Variants in FRMPD4 observed in about 807,000 individuals in gnomAD.
The protein encoded by FRMPD4 is FERM and PDZ domain containing 4, also known as FERM and PDZ domain-containing protein 4.
In FRMPD4, 22 loss-of-function variants were observed where a neutral mutation model predicts 94.1. That is an observed-to-expected ratio of 0.23 (90% CI 0.17 to 0.33). The LOEUF is 0.33. Ranked by LOEUF, FRMPD4 falls within the 10% of genes least tolerant of loss-of-function variation. FRMPD4 has a pLI of 1.00. For missense variants in FRMPD4, 1,111 were observed against 1,339.9 expected, an observed-to-expected ratio of 0.83 and a Z score of 2.67; for synonymous variants, 631 against 548.6, an observed-to-expected ratio of 1.15 and a Z score of -2.10.
intron 3 of FRMPD4, among the ~76,000 whole-genome samples, chrX:12,025,125 C>CA (rs909551283): frequency 9.1e-6 from 1 of 110,430 alleles, no homozygotes; most frequent in Non-Finnish European, 1.9e-5. Context: ...TCTTGGTTTT[C>CA]ATTACCTTCT....
chrX:12,385,607 C>T (rs1416774000), intron 1 of FRMPD4, among the ~76,000 whole-genome samples: 2 of 112,229 alleles, frequency 1.8e-5, no homozygotes, highest in African/African-American at 3.2e-5. Context: ...AAAGTTTACC[C>T]GTTACACATT....
intron 2 of FRMPD4, among the ~76,000 whole-genome samples, chrX:12,560,430 A>C (rs73192479): frequency 0.42 from 43,642 of 104,215 alleles, 7,636 homozygotes; most frequent in Non-Finnish European, 0.52. Context: ...TCATAATGAC[A>C]CTTAATTTTA....
chrX:11,822,525 C>T (rs886786988), exon 1 of FRMPD4, among the ~76,000 whole-genome samples: 11 of 111,773 alleles, frequency 9.8e-5, no homozygotes, highest in African/African-American at 2.9e-4. Flanking sequence ...TGGCAGTGTG[C>T]AAGATGGGGA....
chrX:12,162,212 T>C (rs6640915), intron 1 of FRMPD4, among the ~76,000 whole-genome samples: 29,590 of 111,226 alleles, frequency 0.27, 3,405 homozygotes, highest in East Asian at 0.82. Flanking sequence ...TTTTCAGTGG[T>C]GTGTATAATT....
At chrX:12,096,292 C>G (rs1347870030) in intron 3 of FRMPD4, among the ~76,000 whole-genome samples, 2 of 112,248 alleles carry the variant, frequency 1.8e-5, no homozygotes, top group Admixed American at 1.9e-4. Context: ...AAGTAAAAGT[C>G]ACAGACTTCT....
intron 3 of FRMPD4, among the ~76,000 whole-genome samples, chrX:11,964,261 G>A (rs2054298910): frequency 9.1e-6 from 1 of 109,807 alleles, no homozygotes; most frequent in South Asian, 4.0e-4. Flanking sequence ...CTGGGTTCAC[G>A]CCAATCTCCT....
At chrX:11,903,113 TCA>T (rs1047267738) in intron 3 of FRMPD4, among the ~76,000 whole-genome samples, 1 of 112,190 alleles carries the variant, frequency 8.9e-6, no homozygotes, top group Non-Finnish European at 1.9e-5. Flanking sequence ...TCCGTTTTGT[TCA>T]CAGTCTTTGA....
intron 1 of FRMPD4, among the ~76,000 whole-genome samples, chrX:12,363,746 G>A (rs754408886): frequency 6.2e-5 from 7 of 112,221 alleles, no homozygotes; most frequent in South Asian, 3.7e-4. Flanking sequence ...TTGAGTCACC[G>A]TTTATTCCAT....
At chrX:12,415,882 T>A (rs1837538769) in intron 1 of FRMPD4, among the ~76,000 whole-genome samples, 1 of 112,332 alleles carries the variant, frequency 8.9e-6, no homozygotes, top group Admixed American at 9.4e-5. Context: ...AAGGCCATGG[T>A]ATATTTGTAT....
At chrX:12,605,959 C>G (rs2059129078) in intron 2 of FRMPD4, among the ~76,000 whole-genome samples, 1 of 112,139 alleles carries the variant, frequency 8.9e-6, no homozygotes, top group Non-Finnish European at 1.9e-5. Context: ...TGCTTTCTTT[C>G]CCAGTGCAAT....
chrX:12,008,783 G>C (rs1004439826), intron 3 of FRMPD4, among the ~76,000 whole-genome samples: 33 of 112,127 alleles, frequency 2.9e-4, no homozygotes, highest in African/African-American at 9.7e-4. Context: ...CATTAGGCAA[G>C]TGTTCCTGCA....
chrX:11,894,822 C>T (rs2053893594), intron 3 of FRMPD4, among the ~76,000 whole-genome samples: 1 of 112,042 alleles, frequency 8.9e-6, no homozygotes, highest in African/African-American at 3.2e-5. Flanking sequence ...CTAGGAACCA[C>T]ACGTGGCTAG....
chrX:12,070,698 A>G (rs1475681294), intron 3 of FRMPD4, among the ~76,000 whole-genome samples: 3 of 112,175 alleles, frequency 2.7e-5, no homozygotes, highest in African/African-American at 6.5e-5. Context: ...CTACTGGGGA[A>G]AAAAAATAGT....
At chrX:12,558,334 AT>A (rs766266760) in intron 2 of FRMPD4, among the ~76,000 whole-genome samples, 10 of 113,069 alleles carry the variant, frequency 8.8e-5, no homozygotes, top group African/African-American at 3.2e-4. Context: ...GTATAGGGTC[AT>A]GCCTAACAAG....
intron 2 of FRMPD4, among the ~76,000 whole-genome samples, chrX:12,588,842 ACATG>A (rs66703030): frequency 0.036 from 4,014 of 112,550 alleles, 170 homozygotes; most frequent in African/African-American, 0.12. Flanking sequence ...GTGTATAAAC[ACATG>A]CACACACATA....
At chrX:11,827,828 T>G (rs2053453261) in intron 1 of FRMPD4, among the ~76,000 whole-genome samples, 1 of 112,128 alleles carries the variant, frequency 8.9e-6, no homozygotes, top group African/African-American at 3.2e-5. Context: ...TATACTTAGT[T>G]GCTAGTAAAA....
chrX:12,237,449 C>G (rs1248128388), intron 1 of FRMPD4, among the ~76,000 whole-genome samples: 2 of 112,017 alleles, frequency 1.8e-5, no homozygotes, highest in Non-Finnish European at 3.8e-5. Context: ...TCCATATTCA[C>G]AGGGAGGAAG....
At chrX:12,443,565 CTAAG>C (rs2057162034) in intron 1 of FRMPD4, among the ~76,000 whole-genome samples, 1 of 111,319 alleles carries the variant, frequency 9.0e-6, no homozygotes. Flanking sequence ...GGGCGTGGGT[CTAAG>C]TAATAGTTGT....
At chrX:12,509,217 CA>C (rs1403198108) in intron 2 of FRMPD4, among the ~76,000 whole-genome samples, 5 of 110,866 alleles carry the variant, frequency 4.5e-5, no homozygotes, top group African/African-American at 1.6e-4. Flanking sequence ...CCATTTGATC[CA>C]GCAATCCCAC....
Sources: allele counts gnomAD v4.1 joint callset (sites outside exome capture counted in the v4.1 genomes callset), GRCh38; gene constraint gnomAD v4.1.1; transcripts MANE v1.5; gene names NCBI Gene and HGNC (gene_info 2026-07-23, HGNC 2026-07-21).